GMEB2: variants seen among roughly 807,000 people sequenced by gnomAD.
GMEB2 encodes the protein glucocorticoid modulatory element binding protein 2.
Under a neutral mutation model 45.7 loss-of-function variants are expected in GMEB2, and 7 were observed. That is an observed-to-expected ratio of 0.15 (90% CI 0.09 to 0.29). The LOEUF (loss-of-function observed/expected upper bound fraction) is 0.29, where lower values mean the gene tolerates loss of function less well. Ranked by LOEUF, GMEB2 falls within the 10% of genes least tolerant of loss-of-function variation. GMEB2 has a pLI of 1.00. For missense variants in GMEB2, 582 were observed against 739.2 expected (o/e 0.79, Z 2.47); for synonymous variants, 322 against 323.6 (o/e 1.00, Z 0.05).
intron 4 of GMEB2, among the ~76,000 whole-genome samples, chr20:63,599,000 T>C (rs543967131): frequency 1.3e-5 from 2 of 152,326 alleles, no homozygotes; most frequent in South Asian, 4.1e-4. Flanking sequence ...TTTGTTACTC[T>C]TCTCACCCCA....
chr20:63,612,530 G>A (rs1369322332), intron 2 of GMEB2, among the ~76,000 whole-genome samples: 3 of 152,212 alleles, frequency 2.0e-5, no homozygotes, highest in Non-Finnish European at 4.4e-5. Flanking sequence ...TCATTCTGTG[G>A]CCACAGAAAT....
rs56222018 is a variant in GMEB2 at position 63,621,667 on chromosome 20, CAAAAAAAAAAA to C, written c.-57-2224_-57-2214del. On this transcript the variant is annotated intron_variant, in intron 1 of 9. Transcript: ENST00000370077. ...GGGCAACAAGAGCGAAACTCCATCTCAAAAAAAAAAAAAAAAAAAAAAAAAAAAAAGTTTAA... is the reference window on the plus strand; with the variant it reads ...GGGCAACAAGAGCGAAACTCCATCTCAAAAAAAAAAAAAAAAAAAGTTTAA... Among the ~76,000 whole-genome samples the C allele has an allele frequency of 4.6e-3, 251 of 54,588 alleles. 2 individuals are homozygous for C. Among genetic ancestry groups the C allele is most frequent in the Middle Eastern group, 0.034 (2 of 58 alleles). The allele number at this position is 54,588 out of a possible 152,430, so 35.8% of individuals were successfully genotyped here. A position where few individuals can be genotyped will look rare whatever the true frequency, so the allele number is the denominator to read the frequency against.
At position 63,592,795 on chromosome 20, in the gene GMEB2, G is replaced by A. The variant is rs2083160250; in HGVS notation, c.692-125C>T. The A allele has an allele frequency of 4.5e-6, 4 of 880,704 alleles. No individual in the cohort carries two copies. Among genetic ancestry groups the A allele is most frequent in the Admixed American group, 1.9e-5 (1 of 52,746 alleles). The allele number at this position is 880,704 out of a possible 1,614,324, so 54.6% of individuals were successfully genotyped here. On this transcript the variant is annotated intron_variant, in intron 7 of 9. Coordinates refer to ENST00000370077, the MANE Select transcript of GMEB2 (RefSeq NM_012384.5). The surrounding 1 kb of genome is among the most constrained non-coding windows in gnomAD (Gnocchi z 8.2). The stretch of plus-strand genomic sequence containing the variant: ...GCCAGAGCCGGCAGCGCCTGGCACT[G>A]TGCTGGGCTTGCACTGCCCAGACAC...
chr20:63,599,634 G>C (rs2083227053), intron 4 of GMEB2, among the ~76,000 whole-genome samples: 1 of 152,162 alleles, frequency 6.6e-6, no homozygotes, highest in Non-Finnish European at 1.5e-5. Context: ...TCTCCTCCTG[G>C]CTAGACTGAG....
At chr20:63,591,427 T>C (rs1268888369) in intron 9 of GMEB2, among the ~76,000 whole-genome samples, 1 of 152,002 alleles carries the variant, frequency 6.6e-6, no homozygotes, top group Non-Finnish European at 1.5e-5. Flanking sequence ...TATCAGGGGC[T>C]TGAGCTCTGA....
chr20:63,597,100 CTTTT>C (rs1337524274), intron 5 of GMEB2, among the ~76,000 whole-genome samples: 1 of 150,992 alleles, frequency 6.6e-6, no homozygotes, highest in Non-Finnish European at 1.5e-5. Flanking sequence ...TTATACCTTT[CTTTT>C]ATTTTTTATT....
intron 3 of GMEB2, 121 bp from the exon 4 acceptor site, chr20:63,603,213 G>A (rs2083254021): frequency 1.7e-6 from 2 of 1,162,374 alleles, no homozygotes; most frequent in Non-Finnish European, 2.5e-6. Context: ...TTAAAATCCA[G>A]GAAGGCCTGA....
intron 5 of GMEB2, among the ~76,000 whole-genome samples, chr20:63,596,932 G>A (rs1049920980): frequency 2.0e-5 from 3 of 151,970 alleles, no homozygotes; most frequent in Non-Finnish European, 4.4e-5. Flanking sequence ...GAAGAGAATC[G>A]CTTGAACCCA....
At chr20:63,615,215 A>G (rs2089599816) in intron 2 of GMEB2, among the ~76,000 whole-genome samples, 1 of 152,176 alleles carries the variant, frequency 6.6e-6, no homozygotes, top group African/African-American at 2.4e-5. Flanking sequence ...AGTTCACGAA[A>G]AAGAGACTTT....
rs556923658 is a variant in GMEB2 at position 63,597,837 on chromosome 20, T to C, written c.381A>G (p.Pro127=). Residue 127 remains proline (P), a synonymous_variant, in exon 5 of 10, where the codon CCA becomes CCG. Coordinates refer to ENST00000370077, the MANE Select transcript of GMEB2 (RefSeq NM_012384.5). ...TCCCGGCCAGGTGCACAAATTCCTT[T>C]GGGCTGATTACATGCTCGTCGTACT... ...CVQYDEHVIS[P]KEFVHLAGKS... 4.9e-5 allele frequency: 78 copies of C among 1,607,586 alleles called. No individual in the cohort carries two copies. In the South Asian group the frequency reaches 8.0e-4, roughly 17 times the overall value.
chr20:63,610,096 G>A (rs1288340824), intron 2 of GMEB2, among the ~76,000 whole-genome samples: 2 of 152,252 alleles, frequency 1.3e-5, no homozygotes, highest in Non-Finnish European at 2.9e-5. Flanking sequence ...TGGAACCCGT[G>A]CGGGCAGCTG....
chr20:63,605,029 T>A (rs1465326689), intron 2 of GMEB2, 189 bp from the exon 3 acceptor site: 1 of 523,532 alleles, frequency 1.9e-6, no homozygotes, highest in South Asian at 2.0e-5. Context: ...GGTGGGAGGG[T>A]CACTTGAGGT....
At chr20:63,602,893 A>G in intron 4 of GMEB2, 72 bp downstream of exon 4, 1 of 1,434,594 alleles carries the variant, frequency 7.0e-7, no homozygotes, top group Non-Finnish European at 9.7e-7. Context: ...CACTCAGCAC[A>G]GCTGCACCCC....
chr20:63,597,994 T>C, intron 4 of GMEB2, 134 bp from the exon 5 acceptor site: 1 of 625,494 alleles, frequency 1.6e-6, no homozygotes, highest in Admixed American at 2.4e-5. Context: ...GGTGCAGGCC[T>C]CCTACAGAGC....
At chr20:63,596,322 C>T (rs967250783) in intron 5 of GMEB2, among the ~76,000 whole-genome samples, 19 of 152,252 alleles carry the variant, frequency 1.2e-4, no homozygotes, top group Non-Finnish European at 5.9e-5. Flanking sequence ...TGCTGAGAGC[C>T]GCCCTCCCAG....
Position 63,588,409 on chromosome 20 carries a change from A to C in GMEB2, c.*1680T>G. The C allele has an allele frequency of 5.4e-6, 1 of 185,768 alleles. No individual in the cohort carries two copies. Among genetic ancestry groups the C allele is most frequent in the Non-Finnish European group, 1.1e-5 (1 of 90,730 alleles). 11.5% of individuals were successfully genotyped at this position (185,768 alleles called of 1,614,324 possible). ...GCCGCAGGGCTCTCCTGACCCCCGT[A>C]GGGTCATACCGCTGCATGCTGCAGA... On this transcript the variant is annotated 3_prime_UTR_variant, in exon 10 of 10. Coordinates refer to ENST00000370077, the MANE Select transcript of GMEB2 (RefSeq NM_012384.5).
rs1327013342 is a variant in GMEB2 at position 63,593,383 on chromosome 20, T to C, written c.620-301A>G. Among the ~76,000 whole-genome samples the C allele has an allele frequency of 6.6e-6, 1 of 152,066 alleles. No homozygotes were observed. Among genetic ancestry groups the C allele is most frequent in the Non-Finnish European group, 1.5e-5 (1 of 68,020 alleles). ...TCCTCCTCTTGTCCATTTACGATTG[T>C]ACTCAACAAGCACTTTCGACTGGAC... On this transcript the variant is annotated intron_variant, in intron 6 of 9. Coordinates refer to ENST00000370077, the MANE Select transcript of GMEB2 (RefSeq NM_012384.5). This position sits in a 1 kb window ranked among gnomAD's most constrained non-coding sequence, Gnocchi z 4.7.
intron 4 of GMEB2, among the ~76,000 whole-genome samples, chr20:63,598,736 G>A (rs66815901): frequency 0.083 from 12,586 of 152,230 alleles, 696 homozygotes; most frequent in African/African-American, 0.15. Flanking sequence ...TCCCTCATGC[G>A]GCTGATCAGG....
At chr20:63,617,905 A>G (rs2089620833) in intron 2 of GMEB2, among the ~76,000 whole-genome samples, 1 of 152,174 alleles carries the variant, frequency 6.6e-6, no homozygotes, top group Admixed American at 6.5e-5. Context: ...CAGGTCAGAA[A>G]TGACCCTGGG....
Sources: allele counts gnomAD v4.1 joint callset (sites outside exome capture counted in the v4.1 genomes callset), GRCh38; gene constraint gnomAD v4.1.1; non-coding constraint Gnocchi (gnomAD v3.1); transcripts MANE v1.5; gene names NCBI Gene and HGNC (gene_info 2026-07-23, HGNC 2026-07-21).